PMFBP1: variants seen among roughly 807,000 people sequenced by gnomAD.
The protein encoded by PMFBP1 is polyamine-modulated factor 1-binding protein 1.
Under a neutral mutation model 137.8 loss-of-function variants are expected in PMFBP1, and 131 were observed. The observed-to-expected ratio is 0.95, with a 90% CI of 0.82 to 1.10. The LOEUF is 1.10. PMFBP1 is among the 50% of genes least tolerant of loss of function. PMFBP1 has a pLI of 0.00. For synonymous variants in PMFBP1, 490 were observed against 450.4 expected, an observed-to-expected ratio of 1.09 and a Z score of -1.11; for missense variants, 1,199 against 1,175.4, an observed-to-expected ratio of 1.02 and a Z score of -0.29.
At chr16:72,249,920 C>CAAAAAAAAAAAAA in the PMFBP1 span, among the ~76,000 whole-genome samples, 24 of 30,096 alleles carry the variant, frequency 8.0e-4, no homozygotes, top group East Asian at 2.1e-3. Context: ...GACTCCATCG[C>CAAAAAAAAAAAAA]AAAAAAAAAA....
At chr16:72,182,296 G>C in the PMFBP1 span, among the ~76,000 whole-genome samples, 2 of 152,140 alleles carry the variant, frequency 1.3e-5, no homozygotes, top group African/African-American at 4.8e-5. Context: ...ACAAGTTCAA[G>C]ACCAGCCTGG....
intron 6 of PMFBP1, 112 bp from the exon 7 acceptor site, chr16:72,139,511 A>G: frequency 1.2e-6 from 1 of 853,388 alleles, no homozygotes; most frequent in Non-Finnish European, 1.9e-6. Context: ...GCAGAATTAT[A>G]CAATTCATCA....
the PMFBP1 span, among the ~76,000 whole-genome samples, chr16:72,242,054 A>G: frequency 1.3e-5 from 2 of 152,266 alleles, no homozygotes; most frequent in South Asian, 4.2e-4. Context: ...GTAGGTGTCT[A>G]TCTTAGCCTT....
the PMFBP1 span, among the ~76,000 whole-genome samples, chr16:72,182,617 T>G: frequency 2.6e-5 from 4 of 152,060 alleles, no homozygotes; most frequent in Admixed American, 2.0e-4. Context: ...ACTTATTAAT[T>G]CAAAAGTGCT....
rs139883289 is a variant in PMFBP1, at chr16:72,154,907, G to A, written c.166-448C>T. 5.7e-3 allele frequency among the ~76,000 whole-genome samples: 873 copies of A among 152,240 alleles called. 10 individuals are homozygous for A. Among genetic ancestry groups the A allele is most frequent in the African/African-American group, 0.02 (826 of 41,538 alleles). Reference sequence around the variant, plus strand: ...GCAATGAGTCAAGGGTGAATTCTTGGGGATTTTGAAACGCTGAAAAATGAG... The same window carrying A: ...GCAATGAGTCAAGGGTGAATTCTTGAGGATTTTGAAACGCTGAAAAATGAG... On this transcript the variant is annotated intron_variant, in intron 3 of 20. Transcript: ENST00000237353.
the PMFBP1 span, among the ~76,000 whole-genome samples, chr16:72,195,929 A>G: frequency 4.6e-5 from 7 of 151,640 alleles, no homozygotes; most frequent in African/African-American, 1.7e-4. Context: ...TCTGGACTCT[A>G]GTAAAGACTG....
rs762794574 is a variant in PMFBP1, at chr16:72,129,267, T to C, written c.1783-34A>G. 5.7e-6 allele frequency: 9 copies of C among 1,590,560 alleles called. No homozygotes were observed. The Admixed American group carries it at 1.6e-4, about 28-fold the overall frequency. On this transcript the variant is annotated intron_variant, in intron 12 of 20. Coordinates refer to ENST00000237353, the MANE Select transcript of PMFBP1 (RefSeq NM_031293.3). Reference sequence around the variant, plus strand: ...ATAAAGACTGAGCTGAAAGACTGTCTTAGACTATATTATATTTGGGGGAAA... The same window carrying C: ...ATAAAGACTGAGCTGAAAGACTGTCCTAGACTATATTATATTTGGGGGAAA...
At chr16:72,134,687 C>A (rs1338534917) in intron 9 of PMFBP1, among the ~76,000 whole-genome samples, 2 of 152,214 alleles carry the variant, frequency 1.3e-5, no homozygotes, top group African/African-American at 4.8e-5. Flanking sequence ...CAGACCCCAC[C>A]TCAGTGCCTT....
chr16:72,224,810 T>C, the PMFBP1 span: 15 of 152,196 alleles, frequency 9.9e-5, no homozygotes, highest in Admixed American at 6.5e-4. Context: ...TACACCTCAA[T>C]TGGTTGCAAT....
chr16:72,145,520 T>C (rs1264094320), intron 5 of PMFBP1, among the ~76,000 whole-genome samples: 1 of 151,576 alleles, frequency 6.6e-6, no homozygotes, highest in Non-Finnish European at 1.5e-5. Context: ...AGACAAGAAA[T>C]AACTAAGATC....
chr16:72,203,608 C>T, the PMFBP1 span, among the ~76,000 whole-genome samples: 1 of 152,054 alleles, frequency 6.6e-6, no homozygotes, highest in African/African-American at 2.4e-5. Context: ...TCAGGGTTTT[C>T]TGTGGCAAGT....
intron 2 of PMFBP1, among the ~76,000 whole-genome samples, chr16:72,167,348 T>C (rs1304365962): frequency 6.6e-6 from 1 of 152,166 alleles, no homozygotes; most frequent in African/African-American, 2.4e-5. Flanking sequence ...GCTCTGTCAT[T>C]AAAAGGATTT....
chr16:72,222,379 T>C, the PMFBP1 span, among the ~76,000 whole-genome samples: 17 of 152,302 alleles, frequency 1.1e-4, no homozygotes, highest in African/African-American at 4.1e-4. Flanking sequence ...GAAAGGCTTT[T>C]TGTTCTTCCC....
At chr16:72,237,723 C>T in the PMFBP1 span, among the ~76,000 whole-genome samples, 1 of 151,762 alleles carries the variant, frequency 6.6e-6, no homozygotes, top group Non-Finnish European at 1.5e-5. Context: ...GGGGTTTGTT[C>T]TACAGATTAT....
intron 19 of PMFBP1, among the ~76,000 whole-genome samples, chr16:72,121,585 C>T (rs1426672685): frequency 6.6e-6 from 1 of 152,216 alleles, no homozygotes; most frequent in Non-Finnish European, 1.5e-5. Flanking sequence ...GCAGCCACTG[C>T]TTGGTCAGCT....
the PMFBP1 span, among the ~76,000 whole-genome samples, chr16:72,237,647 A>C: frequency 6.6e-6 from 1 of 151,952 alleles, no homozygotes. Context: ...TTTTTTTTAA[A>C]AAAACTTTCA....
intron 4 of PMFBP1, among the ~76,000 whole-genome samples, chr16:72,153,921 TAC>T (rs3223525): frequency 0.053 from 7,082 of 133,880 alleles, 227 homozygotes; most frequent in African/African-American, 0.079. Context: ...GATGGACTTA[TAC>T]ACACACACAC....
rs747524070 is a variant in PMFBP1, at chr16:72,125,319, G to T, written c.2340C>A (p.Ile780=). 5.6e-6 allele frequency: 9 copies of T among 1,614,108 alleles called. No individual in the cohort carries two copies. In the East Asian group the frequency reaches 1.8e-4, roughly 32 times the overall value. ...TTTTCATCCTTTCCTCATAAGCAAT[G>T]ATTTCCTCTTCCAGCTGAGCTTTCT... ...QEKKAQLEEE[I]IAYEERMKKL... The change falls in exon 16 of 21, where the codon ATC becomes ATA. Residue 780 remains isoleucine, a synonymous_variant. Transcript: ENST00000237353.
Position 72,119,319 on chromosome 16 carries a change from T to A in PMFBP1, c.*19A>T. On this transcript the variant is annotated 3_prime_UTR_variant, in exon 21 of 21. Transcript: ENST00000237353. ...GAAGAAACACCCGTGGAAATGCTGC[T>A]CAGGGCTAGATGTGGATTCTAGCAG... 6.2e-7 allele frequency: 1 copy of A among 1,612,664 alleles called. No individual in the cohort carries two copies. The highest frequency in any genetic ancestry group is 8.5e-7 in the Non-Finnish European group (1 of 1,178,668).
Sources: gnomAD v4.1 joint callset for allele counts (sites outside exome capture counted in the v4.1 genomes callset) on GRCh38, gnomAD v4.1.1 for gene constraint, MANE v1.5 for transcripts, NCBI Gene and HGNC (gene_info 2026-07-23, HGNC 2026-07-21) for gene names.